The following ZMYND8 variants were observed in gnomAD, a reference collection of about 807,000 sequenced individuals.
The protein encoded by ZMYND8 is MYND-type zinc finger-containing chromatin reader ZMYND8.
In ZMYND8, 37 loss-of-function variants were observed where a neutral mutation model predicts 140.8. That is an observed-to-expected ratio of 0.26 (90% confidence interval 0.20 to 0.35). The LOEUF is 0.35. Ranked by LOEUF, ZMYND8 falls within the 10% of genes least tolerant of loss-of-function variation. The pLI, the probability that ZMYND8 is intolerant of heterozygous loss-of-function variation, is 1.00. For synonymous variants in ZMYND8, 592 were observed against 597.1 expected (o/e 0.99, Z 0.12); for missense variants, 1,068 against 1,570.0 (o/e 0.68, Z 5.40).
At chr20:47,258,202 C>T (rs4809630) in intron 12 of ZMYND8, among the ~76,000 whole-genome samples, 30,741 of 152,142 alleles carry the variant, frequency 0.2, 4,085 homozygotes, top group African/African-American at 0.38. Context: ...AAAAAGCTGA[C>T]GTATCCAATA....
At chr20:47,242,270 G>A (rs1394303772) in intron 14 of ZMYND8, among the ~76,000 whole-genome samples, 1 of 152,174 alleles carries the variant, frequency 6.6e-6, no homozygotes, top group Non-Finnish European at 1.5e-5. Flanking sequence ...GTTCTCGATG[G>A]TTATCGAGAT....
chr20:47,225,046 C>T (rs73302087), intron 18 of ZMYND8, among the ~76,000 whole-genome samples: 2,563 of 152,302 alleles, frequency 0.017, 71 homozygotes, highest in African/African-American at 0.059. Flanking sequence ...CTACCCCTTT[C>T]GCAGATGAGG....
At chr20:47,346,613 CT>C (rs371610372) in intron 2 of ZMYND8, among the ~76,000 whole-genome samples, 3,148 of 147,592 alleles carry the variant, frequency 0.021, 103 homozygotes, top group African/African-American at 0.074. Context: ...GACATACTGT[CT>C]TTTTTTTTTT....
Position 47,209,621 on chromosome 20 carries a change from G to A in ZMYND8, c.*1140C>T, listed in dbSNP as rs1018943328. ...ACAAGACTAAAATGTACAACAAAAC[G>A]TACTGGAATGATATCGTACAATTAA... On this transcript the variant is annotated 3_prime_UTR_variant, in exon 23 of 23. Transcript: ENST00000471951. 45 of 152,508 alleles carry A rather than the reference G, an allele frequency of 3.0e-4. No homozygotes were observed. The highest frequency in any genetic ancestry group is 1.0e-3 in the African/African-American group (42 of 41,430). The allele number at this position is 152,508 out of a possible 1,614,324, so 9.4% of individuals were successfully genotyped here.
At chr20:47,259,511 C>A (rs1479222438) in intron 12 of ZMYND8, among the ~76,000 whole-genome samples, 1 of 152,094 alleles carries the variant, frequency 6.6e-6, no homozygotes, top group Non-Finnish European at 1.5e-5. Flanking sequence ...ACAAGATGGA[C>A]CTGGAGGGCG....
chr20:47,294,921 C>T (rs2077545704), intron 4 of ZMYND8, 142 bp from the exon 5 acceptor site: 1 of 705,420 alleles, frequency 1.4e-6, no homozygotes, highest in Middle Eastern at 3.2e-4. Flanking sequence ...TTAGCAAAGA[C>T]TCCTGGAACA....
intron 12 of ZMYND8, among the ~76,000 whole-genome samples, chr20:47,253,369 T>TCTA (rs1282895589): frequency 2.6e-5 from 4 of 152,110 alleles, no homozygotes; most frequent in Admixed American, 6.5e-5. Flanking sequence ...AAATGCCATC[T>TCTA]CTACTAAATA....
chr20:47,333,504 G>C (rs2081118290), intron 2 of ZMYND8, among the ~76,000 whole-genome samples: 1 of 152,058 alleles, frequency 6.6e-6, no homozygotes, highest in Non-Finnish European at 1.5e-5. Flanking sequence ...GCCGAGGCAG[G>C]TGGATCACAT....
intron 11 of ZMYND8, among the ~76,000 whole-genome samples, chr20:47,272,066 G>C (rs1032111090): frequency 4.2e-5 from 6 of 143,428 alleles, no homozygotes; most frequent in African/African-American, 1.6e-4. Context: ...AGGGGGGGGG[G>C]AGTAATATGA....
At chr20:47,330,837 A>G (rs1454922172) in intron 2 of ZMYND8, among the ~76,000 whole-genome samples, 1 of 152,238 alleles carries the variant, frequency 6.6e-6, no homozygotes, top group Non-Finnish European at 1.5e-5. Context: ...TCATTTGTTC[A>G]TTCAAAAAAA....
chr20:47,312,842 C>T (rs1325011014), intron 2 of ZMYND8, among the ~76,000 whole-genome samples: 1 of 151,982 alleles, frequency 6.6e-6, no homozygotes. Flanking sequence ...AGCACATTCC[C>T]CCAGAGAAAC....
At chr20:47,290,079 C>T (rs768398326) in intron 7 of ZMYND8, 108 bp downstream of exon 7, 45 of 1,052,762 alleles carry the variant, frequency 4.3e-5, no homozygotes, top group Admixed American at 2.0e-4. Context: ...ACAATCTATA[C>T]GCAAGTATTC....
At chr20:47,266,337 T>A (rs1157803473) in intron 11 of ZMYND8, among the ~76,000 whole-genome samples, 3 of 152,056 alleles carry the variant, frequency 2.0e-5, no homozygotes, top group Non-Finnish European at 2.9e-5. Context: ...TGCAGTGCAA[T>A]GGTGCAATCT....
At chr20:47,349,028 G>A (rs2148608877) in intron 1 of ZMYND8, 1 of 152,294 alleles carries the variant, frequency 6.6e-6, no homozygotes, top group South Asian at 2.1e-4. Flanking sequence ...GAAGGAGGCT[G>A]GGGAAGAGAG....
intron 2 of ZMYND8, among the ~76,000 whole-genome samples, chr20:47,338,428 GA>G (rs113022478): frequency 7.5e-5 from 11 of 146,328 alleles, no homozygotes; most frequent in Non-Finnish European, 1.1e-4. Context: ...CAGGCTGGAG[GA>G]AAAAAAAAAA....
At chr20:47,249,869 G>C (rs1026708770) in intron 12 of ZMYND8, among the ~76,000 whole-genome samples, 2 of 151,336 alleles carry the variant, frequency 1.3e-5, no homozygotes, top group African/African-American at 4.9e-5. Flanking sequence ...TTGTATCCAA[G>C]AAAGATGGCG....
At chr20:47,274,391 A>G (rs1227372500) in intron 11 of ZMYND8, among the ~76,000 whole-genome samples, 2 of 152,248 alleles carry the variant, frequency 1.3e-5, no homozygotes, top group East Asian at 1.9e-4. Flanking sequence ...GCAGAAAACC[A>G]TGGCAATGAA....
chr20:47,338,446 C>A (rs541157354), intron 2 of ZMYND8, among the ~76,000 whole-genome samples: 1 of 151,992 alleles, frequency 6.6e-6, no homozygotes, highest in Admixed American at 6.6e-5. Context: ...AAAACATGTT[C>A]ACTGAGCCTG....
chr20:47,345,108 C>T (rs1007109445), intron 2 of ZMYND8, among the ~76,000 whole-genome samples: 6 of 152,078 alleles, frequency 3.9e-5, no homozygotes, highest in African/African-American at 1.4e-4. Flanking sequence ...TATGATCATA[C>T]CAGTGCACTC....
Sources: allele counts gnomAD v4.1 joint callset (sites outside exome capture counted in the v4.1 genomes callset), GRCh38; gene constraint gnomAD v4.1.1; transcripts MANE v1.5; gene names NCBI Gene and HGNC (gene_info 2026-07-23, HGNC 2026-07-21).